Variants in CHD5 observed in about 807,000 individuals in gnomAD.
The protein encoded by CHD5 is ATP-dependent chromatin remodeler CHD5.
A neutral mutation model predicts 230.3 loss-of-function variants in CHD5; 69 were observed. That is an observed-to-expected ratio of 0.30 (90% confidence interval 0.25 to 0.37). The LOEUF is 0.37. CHD5 is among the 10% of genes least tolerant of loss of function. The pLI is 1.00. For missense variants in CHD5, 1,827 were observed against 2,622.8 expected (o/e 0.70, Z 6.63); for synonymous variants, 1,064 against 1,065.9 (o/e 1.00, Z 0.03).
Position 6,128,406 on chromosome 1 carries a change from C to T in CHD5, c.3730+93G>A, listed in dbSNP as rs1003888656. On this transcript the variant is annotated intron_variant, in intron 24 of 41. Coordinates refer to ENST00000262450, the MANE Select transcript of CHD5 (RefSeq NM_015557.3). This position sits in a 1 kb window ranked among gnomAD's most constrained non-coding sequence, Gnocchi z 7.8. ...CGCCGCCCACCTGGCAGTCCCAGGA[C>T]GCCCAAGTGAGGGCAGGTCAGGGAA... 15 of 1,191,354 alleles carry T rather than the reference C, an allele frequency of 1.3e-5. No individual in the cohort carries two copies. The highest frequency in any genetic ancestry group is 1.9e-5 in the Admixed American group (1 of 51,380). 73.8% of individuals were successfully genotyped at this position (1,191,354 alleles called of 1,614,324 possible).
At chr1:6,109,238 G>A (rs546310179) in intron 38 of CHD5, among the ~76,000 whole-genome samples, 3 of 152,222 alleles carry the variant, frequency 2.0e-5, no homozygotes, top group South Asian at 4.1e-4. Context: ...CAGGATCAGA[G>A]TACACCAGGG....
intron 1 of CHD5, 97 bp downstream of exon 1, chr1:6,179,848 C>T (rs534018748): frequency 0.018 from 8,840 of 491,256 alleles, 75 homozygotes; most frequent in Non-Finnish European, 0.021. Context: ...GGCGCCAGCC[C>T]GGCCGCGCCG....
At chr1:6,164,213 A>G (rs2100878268) in intron 2 of CHD5, among the ~76,000 whole-genome samples, 1 of 152,338 alleles carries the variant, frequency 6.6e-6, no homozygotes, top group South Asian at 2.1e-4. Flanking sequence ...CGCATCTCCT[A>G]AAAACGGAGA....
At chr1:6,120,131 G>A (rs959979919) in intron 33 of CHD5, among the ~76,000 whole-genome samples, 1 of 152,114 alleles carries the variant, frequency 6.6e-6, no homozygotes, top group Non-Finnish European at 1.5e-5. Flanking sequence ...AAAGTGCTGG[G>A]ATTACAGGTG....
intron 25 of CHD5, among the ~76,000 whole-genome samples, chr1:6,127,708 G>A (rs890630374): frequency 3.9e-5 from 6 of 152,194 alleles, no homozygotes; most frequent in Non-Finnish European, 5.9e-5. Flanking sequence ...GGAGCAGGCG[G>A]CTGATGTGTG....
At chr1:6,177,588 G>A (rs1433317489) in intron 1 of CHD5, among the ~76,000 whole-genome samples, 2 of 152,290 alleles carry the variant, frequency 1.3e-5, no homozygotes, top group African/African-American at 2.4e-5. Flanking sequence ...TTGAGCACAG[G>A]AGTTCAAATC....
Position 6,169,502 on chromosome 1 carries a change from G to A in CHD5, c.80-1225C>T, listed in dbSNP as rs146281324. ...AGGGCTGCCACATGTCCTGGGGGGT[G>A]TGACGTGAGACCCCTGCTGGGACGG... On this transcript the variant is annotated intron_variant, in intron 1 of 41. Coordinates refer to ENST00000262450, the MANE Select transcript of CHD5 (RefSeq NM_015557.3). Among the ~76,000 whole-genome samples the A allele has an allele frequency of 1.2e-3, 183 of 152,358 alleles. 1 individual carries two copies. Among genetic ancestry groups the A allele is most frequent in the East Asian group, 6.4e-3 (33 of 5,184 alleles).
At position 6,121,316 on chromosome 1, in the gene CHD5, G is replaced by T; in HGVS notation, c.4780-79C>A. The T allele has an allele frequency of 6.4e-7, 1 of 1,562,848 alleles. No individual in the cohort carries two copies. Among genetic ancestry groups the T allele is most frequent in the Non-Finnish European group, 8.7e-7 (1 of 1,151,708 alleles). On this transcript the variant is annotated intron_variant, in intron 32 of 41. Coordinates refer to ENST00000262450, the MANE Select transcript of CHD5 (RefSeq NM_015557.3). The surrounding 1 kb of genome is among the most constrained non-coding windows in gnomAD (Gnocchi z 4.5). The stretch of plus-strand genomic sequence containing the variant: ...AGGGCGGGGAACGTGCGCTGGGCTG[G>T]GAACCCAGTCTCCTGGCTCCCGTCG...
intron 15 of CHD5, among the ~76,000 whole-genome samples, chr1:6,139,526 C>A (rs1271366730): frequency 1.3e-5 from 2 of 151,046 alleles, no homozygotes; most frequent in Non-Finnish European, 1.5e-5. Context: ...GGTGAGCCAC[C>A]GTGCCCGGCT....
At position 6,106,470 on chromosome 1, in the gene CHD5, C is replaced by T. The variant is rs2100825592; in HGVS notation, c.5782G>A (p.Gly1928Arg). 1 of 1,558,358 alleles carries T rather than the reference C, an allele frequency of 6.4e-7. No individual in the cohort carries two copies. The highest frequency in any genetic ancestry group is 8.7e-7 in the Non-Finnish European group (1 of 1,151,404). Residue 1928 changes from glycine (G) to arginine (R), a missense_variant, in exon 40 of 42, where the codon GGG becomes AGG. Physicochemically the swap from Gly to Arg is moderately radical, Grantham distance 125. Coordinates refer to ENST00000262450, the MANE Select transcript of CHD5 (RefSeq NM_015557.3). Reference sequence around the variant, plus strand: ...GGTCCAGGGCCCCGGAAGTTGGGCCCAAAGTTGTTGCTGTACATCTGGGAG... The same window carrying T: ...GGTCCAGGGCCCCGGAAGTTGGGCCTAAAGTTGTTGCTGTACATCTGGGAG... ...GSSQMYSNNF[G>R]PNFRGPGPGG...
chr1:6,141,610 AAAAT>A (rs963569609), intron 15 of CHD5, among the ~76,000 whole-genome samples: 4 of 152,098 alleles, frequency 2.6e-5, no homozygotes, highest in African/African-American at 9.7e-5. Flanking sequence ...GTGTCTCAAA[AAAAT>A]AAATAAATAA....
chr1:6,134,672 C>T lies in CHD5; in HGVS notation c.3012+46G>A, dbSNP rs1289737522. The T allele has an allele frequency of 6.3e-7, 1 of 1,593,976 alleles. No individual in the cohort carries two copies. Among genetic ancestry groups the T allele is most frequent in the Admixed American group, 1.7e-5 (1 of 59,484 alleles). On this transcript the variant is annotated intron_variant, in intron 19 of 41. Coordinates refer to ENST00000262450, the MANE Select transcript of CHD5 (RefSeq NM_015557.3). The surrounding 1 kb of genome is among the most constrained non-coding windows in gnomAD (Gnocchi z 6.3). ...CTACCATGGCGGCCACAGGCACCTACCATGGCGGTCATGGAGAAGCTGCCA... is the reference window on the plus strand; with the variant it reads ...CTACCATGGCGGCCACAGGCACCTATCATGGCGGTCATGGAGAAGCTGCCA...
chr1:6,105,149 C>A lies in CHD5; in HGVS notation c.*325G>T. 2.9e-6 allele frequency: 1 copy of A among 343,214 alleles called. No individual in the cohort carries two copies. The highest frequency in any genetic ancestry group is 2.2e-5 in the South Asian group (1 of 45,306). The allele number at this position is 343,214 out of a possible 1,614,324, so 21.3% of individuals were successfully genotyped here. ...TGTTCAAGTCTTCAATAGGAAAGTGCAAAAGATGTACAAATAAATGAAATC... is the reference window on the plus strand; with the variant it reads ...TGTTCAAGTCTTCAATAGGAAAGTGAAAAAGATGTACAAATAAATGAAATC... On this transcript the variant is annotated 3_prime_UTR_variant, in exon 42 of 42. Transcript: ENST00000262450. The surrounding 1 kb of genome is among the most constrained non-coding windows in gnomAD (Gnocchi z 4.8).
At position 6,121,343 on chromosome 1, in the gene CHD5, T is replaced by G. The variant is rs1320130221; in HGVS notation, c.4780-106A>C. 1 of 1,517,932 alleles carries G rather than the reference T, an allele frequency of 6.6e-7. No individual in the cohort carries two copies. Among genetic ancestry groups the G allele is most frequent in the African/African-American group, 1.4e-5 (1 of 72,160 alleles). 94.0% of individuals were successfully genotyped at this position (1,517,932 alleles called of 1,614,324 possible). A position where few individuals can be genotyped will look rare whatever the true frequency, so the allele number is the denominator to read the frequency against. ...AACCCAGTCTCCTGGCTCCCGTCGC[T>G]TGCTCCTAGCCTGCTCCCCGCCGAT... On this transcript the variant is annotated intron_variant, in intron 32 of 41. Transcript: ENST00000262450. The surrounding 1 kb of genome is among the most constrained non-coding windows in gnomAD (Gnocchi z 4.5).
At chr1:6,136,233 G>A (rs1666744842) in intron 17 of CHD5, among the ~76,000 whole-genome samples, 1 of 152,186 alleles carries the variant, frequency 6.6e-6, no homozygotes, top group Admixed American at 6.5e-5. Context: ...CCTGCCAGGG[G>A]AGGCAGTCCA....
chr1:6,150,196 A>AGATGGATG (rs57796849), intron 7 of CHD5, among the ~76,000 whole-genome samples: 1 of 150,194 alleles, frequency 6.7e-6, no homozygotes, highest in Non-Finnish European at 1.5e-5. Flanking sequence ...ACAGAGTGGT[A>AGATGGATG]GATGGATGGA....
At chr1:6,141,596 TAC>T (rs1030366242) in intron 15 of CHD5, among the ~76,000 whole-genome samples, 5 of 152,102 alleles carry the variant, frequency 3.3e-5, no homozygotes, top group African/African-American at 1.2e-4. Flanking sequence ...GCCTGGGCGA[TAC>T]AGTGTCTCAA....
intron 17 of CHD5, among the ~76,000 whole-genome samples, chr1:6,135,749 G>A (rs966491236): frequency 6.6e-6 from 1 of 152,158 alleles, no homozygotes; most frequent in East Asian, 1.9e-4. Flanking sequence ...GGTGGCTCAT[G>A]CCTGTAATCC....
At position 6,128,470 on chromosome 1, in the gene CHD5, A is replaced by C. The variant is rs1666599094; in HGVS notation, c.3730+29T>G. On this transcript the variant is annotated intron_variant, in intron 24 of 41. Coordinates refer to ENST00000262450, the MANE Select transcript of CHD5 (RefSeq NM_015557.3). The surrounding 1 kb of genome is among the most constrained non-coding windows in gnomAD (Gnocchi z 7.8). The stretch of plus-strand genomic sequence containing the variant: ...GGAGCAGCCACCTGGTCGGAGGAGG[A>C]GCTGAGGCTGGGCTGGGTTGGCCCC... 1 of 1,545,470 alleles carries C rather than the reference A, an allele frequency of 6.5e-7. No homozygotes were observed. Among genetic ancestry groups the C allele is most frequent in the Admixed American group, 1.7e-5 (1 of 59,584 alleles).
Sources: gnomAD v4.1 joint callset for allele counts (sites outside exome capture counted in the v4.1 genomes callset) on GRCh38, gnomAD v4.1.1 for gene constraint, Gnocchi (gnomAD v3.1) non-coding constraint, MANE v1.5 for transcripts, NCBI Gene and HGNC (gene_info 2026-07-23, HGNC 2026-07-21) for gene names.